Variants in ANKS6 observed in about 807,000 individuals in gnomAD.
ANKS6 encodes ankyrin repeat and SAM domain-containing protein 6.
A neutral mutation model predicts 77.9 loss-of-function variants in ANKS6; 47 were observed. That is an observed-to-expected ratio of 0.60 (90% CI 0.48 to 0.77). ANKS6 has a LOEUF of 0.77. Ranked by LOEUF, ANKS6 falls within the 30% of genes least tolerant of loss-of-function variation. The pLI is 0.00. For synonymous variants in ANKS6, 488 were observed against 501.7 expected (o/e 0.97, Z 0.37); for missense variants, 1,150 against 1,159.1 (o/e 0.99, Z 0.11).
intron 11 of ANKS6, among the ~76,000 whole-genome samples, chr9:98,767,036 G>A (rs1162734429): frequency 2.6e-5 from 4 of 152,182 alleles, no homozygotes; most frequent in Non-Finnish European, 4.4e-5. Context: ...CACTCTGGGG[G>A]CTCACCCAGA....
At chr9:98,747,960 A>G (rs942388683) in intron 13 of ANKS6, among the ~76,000 whole-genome samples, 1 of 152,118 alleles carries the variant, frequency 6.6e-6, no homozygotes, top group Admixed American at 6.5e-5. Context: ...GGCTCTCTCA[A>G]TGAGTCCTGC....
chr9:98,743,108 G>C (rs769603449), intron 14 of ANKS6, among the ~76,000 whole-genome samples: 12 of 152,150 alleles, frequency 7.9e-5, no homozygotes, highest in Non-Finnish European at 2.9e-5. Context: ...TCAGCTCCTG[G>C]CCTGTCCTCT....
intron 14 of ANKS6, among the ~76,000 whole-genome samples, chr9:98,740,258 A>T (rs1831751160): frequency 6.6e-6 from 1 of 152,098 alleles, no homozygotes; most frequent in African/African-American, 2.4e-5. Flanking sequence ...ACTCGAGAGG[A>T]CAGTAAGATT....
intron 12 of ANKS6, among the ~76,000 whole-genome samples, chr9:98,753,784 G>A (rs1158796834): frequency 1.3e-5 from 2 of 152,064 alleles, no homozygotes; most frequent in African/African-American, 2.4e-5. Flanking sequence ...CACACTGCAG[G>A]TATGAGATAT....
intron 11 of ANKS6, among the ~76,000 whole-genome samples, chr9:98,760,525 T>C (rs960058937): frequency 1.3e-5 from 2 of 152,194 alleles, no homozygotes; most frequent in African/African-American, 2.4e-5. Flanking sequence ...ACTTTGGAGA[T>C]TCTAAGGATT....
chr9:98,760,414 CCT>C lies in ANKS6; in HGVS notation c.2143-3813_2143-3812del, dbSNP rs550203391. Among the ~76,000 whole-genome samples the C allele has an allele frequency of 6.8e-3, 1,034 of 152,042 alleles. 10 individuals are homozygous for C. The highest frequency in any genetic ancestry group is 0.023 in the African/African-American group (971 of 41,448). ...CTCTAATCCTACCCTCTAATCCTGC[CCT>C]CTAATCCTGCCCTGGTCTTTGCTGT... is the stretch of plus-strand genomic sequence containing the variant. On this transcript the variant is annotated intron_variant, in intron 11 of 14. Coordinates refer to ENST00000353234, the MANE Select transcript of ANKS6 (RefSeq NM_173551.5).
intron 12 of ANKS6, among the ~76,000 whole-genome samples, chr9:98,754,130 T>C (rs1277619653): frequency 6.6e-6 from 1 of 152,172 alleles, no homozygotes; most frequent in Non-Finnish European, 1.5e-5. Flanking sequence ...TCTGTATCCC[T>C]GTGAGTTCCC....
At chr9:98,753,882 T>C (rs1290401871) in intron 12 of ANKS6, among the ~76,000 whole-genome samples, 1 of 152,208 alleles carries the variant, frequency 6.6e-6, no homozygotes, top group East Asian at 1.9e-4. Flanking sequence ...ATTTCTATAA[T>C]TCAGTTAATT....
rs1834898705 is a variant in ANKS6 at position 98,791,413 on chromosome 9, C to A, written c.360-807G>T. On this transcript the variant is annotated intron_variant, in intron 1 of 14. Transcript: ENST00000353234. This position sits in a 1 kb window ranked among gnomAD's most constrained non-coding sequence, Gnocchi z 4.3. ...GGCCAGATCTTCCTCAATGAAGTCA[C>A]TGCTGGGCCCCTGAAGAGAAAGATC... 6.6e-6 allele frequency among the ~76,000 whole-genome samples: 1 copy of A among 152,220 alleles called. No homozygotes were observed. The highest frequency in any genetic ancestry group is 1.5e-5 in the Non-Finnish European group (1 of 68,044).
Position 98,784,827 on chromosome 9 carries a change from C to A in ANKS6, c.907+5G>T. 1 of 1,612,606 alleles carries A rather than the reference C, an allele frequency of 6.2e-7. No homozygotes were observed. Among genetic ancestry groups the A allele is most frequent in the Non-Finnish European group, 8.5e-7 (1 of 1,179,304 alleles). On this transcript the variant is annotated splice_donor_5th_base_variant and intron_variant, in intron 3 of 14. Coordinates refer to ENST00000353234, the MANE Select transcript of ANKS6 (RefSeq NM_173551.5). ...ATATCCAAAAAGATTTTCTAAAGCG[C>A]TTACCCATTTTCAATGCATGGAAAA...
At position 98,784,090 on chromosome 9, in the gene ANKS6, G is replaced by A. The variant is rs76803608; in HGVS notation, c.975C>T (p.Asp325=). The A allele has an allele frequency of 7.5e-4, 1,205 of 1,597,348 alleles. 21 individuals carry two copies. In the East Asian group the frequency reaches 0.024, roughly 32 times the overall value. The change falls in exon 4 of 15, where the codon GAC becomes GAT. Residue 325 remains aspartate, a synonymous_variant. Transcript: ENST00000353234. ...CTGCTAGCATCAGTGGCGTCGCCCC[G>A]TCCCCATTGACCAAGTTCACGTGGC... ...DPSHVNLVNG[D]GATPLMLAAV...
At chr9:98,772,400 AGGGCCCTGC>A (rs1479858791) in intron 9 of ANKS6, among the ~76,000 whole-genome samples, 4 of 152,076 alleles carry the variant, frequency 2.6e-5, no homozygotes, top group Admixed American at 6.5e-5. Context: ...CCGAGGGAGC[AGGGCCCTGC>A]TGACACCTTG....
chr9:98,766,141 T>G (rs191974662), intron 11 of ANKS6, among the ~76,000 whole-genome samples: 1 of 152,350 alleles, frequency 6.6e-6, no homozygotes. Flanking sequence ...CTATTAACAT[T>G]ATGTTATAAA....
chr9:98,795,849 G>T, intron 1 of ANKS6: 1 of 280,874 alleles, frequency 3.6e-6, no homozygotes, highest in Non-Finnish European at 6.5e-6. Flanking sequence ...ACTGCAATAA[G>T]AAATGAATTA....
chr9:98,735,678 C>T lies in ANKS6; in HGVS notation c.*841G>A, dbSNP rs935960509. 7.3e-6 allele frequency: 9 copies of T among 1,231,714 alleles called. No individual in the cohort carries two copies. Among genetic ancestry groups the T allele is most frequent in the Non-Finnish European group, 9.1e-6 (9 of 987,956 alleles). The allele number at this position is 1,231,714 out of a possible 1,614,324, so 76.3% of individuals were successfully genotyped here. A position where few individuals can be genotyped will look rare whatever the true frequency, so the allele number is the denominator to read the frequency against. On this transcript the variant is annotated 3_prime_UTR_variant, in exon 15 of 15. Coordinates refer to ENST00000353234, the MANE Select transcript of ANKS6 (RefSeq NM_173551.5). ...GTGGAGTACCAGAGCATCATCTGGT[C>T]TGACCTTCCACTTTGCAGATAAGGA... is the stretch of plus-strand genomic sequence containing the variant.
rs1336160614 is a variant in ANKS6, at chr9:98,791,416, C to G, written c.360-810G>C. 1.3e-5 allele frequency among the ~76,000 whole-genome samples: 2 copies of G among 152,198 alleles called. No homozygotes were observed. On this transcript the variant is annotated intron_variant, in intron 1 of 14. Coordinates refer to ENST00000353234, the MANE Select transcript of ANKS6 (RefSeq NM_173551.5). This position sits in a 1 kb window ranked among gnomAD's most constrained non-coding sequence, Gnocchi z 4.3. ...CAGATCTTCCTCAATGAAGTCACTGCTGGGCCCCTGAAGAGAAAGATCTGC... is the reference window on the plus strand; with the variant it reads ...CAGATCTTCCTCAATGAAGTCACTGGTGGGCCCCTGAAGAGAAAGATCTGC...
At chr9:98,793,582 G>C (rs1190556349) in intron 1 of ANKS6, among the ~76,000 whole-genome samples, 2 of 152,046 alleles carry the variant, frequency 1.3e-5, no homozygotes, top group South Asian at 4.2e-4. Flanking sequence ...GTGCAGTGGC[G>C]CGATCTCAGC....
chr9:98,740,798 A>G (rs1047739598), intron 14 of ANKS6, among the ~76,000 whole-genome samples: 1 of 152,248 alleles, frequency 6.6e-6, no homozygotes, highest in African/African-American at 2.4e-5. Context: ...AAAGGAAAAA[A>G]AACAGCTATT....
chr9:98,771,818 G>GT (rs1588382291), intron 9 of ANKS6, among the ~76,000 whole-genome samples: 7 of 152,068 alleles, frequency 4.6e-5, no homozygotes, highest in Admixed American at 4.6e-4. Flanking sequence ...GTGGGCTCCC[G>GT]TGTAGGGCAG....
Sources: gnomAD v4.1 joint callset for allele counts (sites outside exome capture counted in the v4.1 genomes callset) on GRCh38, gnomAD v4.1.1 for gene constraint, Gnocchi (gnomAD v3.1) non-coding constraint, MANE v1.5 for transcripts, NCBI Gene and HGNC (gene_info 2026-07-23, HGNC 2026-07-21) for gene names.